Variants in DOCK3 observed in about 807,000 individuals in gnomAD.
DOCK3 encodes the protein dedicator of cytokinesis protein 3.
DOCK3 carries 60 observed loss-of-function variants against 265.6 expected under a neutral mutation model. That is an observed-to-expected ratio of 0.23 (90% CI 0.18 to 0.28). The LOEUF is 0.28. Among genes scored for constraint, DOCK3 ranks in the 10% least tolerant of loss-of-function variants. DOCK3 has a pLI of 1.00. For missense variants in DOCK3, 1,981 were observed against 2,594.3 expected (o/e 0.76, Z 5.14); for synonymous variants, 881 against 938.0 (o/e 0.94, Z 1.11).
rs1298839621 is a variant in DOCK3 at position 51,341,297 on chromosome 3, G to A, written c.3827G>A (p.Arg1276Gln). The change falls in exon 38 of 53, where the codon CGG (arginine) becomes CAG (glutamine). Residue 1276 changes from arginine (R) to glutamine (Q), a missense_variant. Physicochemically the swap from Arg to Gln is conservative, Grantham distance 43. Coordinates refer to ENST00000266037, the MANE Select transcript of DOCK3 (RefSeq NM_004947.5). Reference sequence around the variant, plus strand: ...CTGCAGTGGGAGGACCGGCCACTACGGGAATTCCTCCACTACCCATCGCAG... The same window carrying A: ...CTGCAGTGGGAGGACCGGCCACTACAGGAATTCCTCCACTACCCATCGCAG... ...ELLQWEDRPL[R>Q]EFLHYPSQTE... 10 of 1,612,326 alleles carry A rather than the reference G, an allele frequency of 6.2e-6. No homozygotes were observed. The East Asian group carries it at 6.7e-5, about 11-fold the overall frequency.
intron 2 of DOCK3, among the ~76,000 whole-genome samples, chr3:50,820,967 A>C (rs1181159145): frequency 6.6e-6 from 1 of 150,858 alleles, no homozygotes; most frequent in African/African-American, 2.4e-5. Flanking sequence ...GTGTCTGTTC[A>C]TGTCCTTTGG....
intron 12 of DOCK3, among the ~76,000 whole-genome samples, chr3:51,206,925 T>C (rs989541935): frequency 4.6e-5 from 7 of 152,212 alleles, no homozygotes; most frequent in African/African-American, 1.7e-4. Flanking sequence ...AAGGGTATAG[T>C]GAACTACTGA....
chr3:51,059,404 A>C (rs2081323522), intron 5 of DOCK3, among the ~76,000 whole-genome samples: 1 of 151,880 alleles, frequency 6.6e-6, no homozygotes. Flanking sequence ...ACATTAATAC[A>C]CATGATGCCT....
chr3:51,033,240 C>T (rs543683136), intron 5 of DOCK3, among the ~76,000 whole-genome samples: 2 of 152,280 alleles, frequency 1.3e-5, no homozygotes, highest in East Asian at 3.9e-4. Flanking sequence ...TGAAACTTTC[C>T]CAGGCATTTT....
At chr3:51,262,633 G>A (rs770627145) in intron 23 of DOCK3, among the ~76,000 whole-genome samples, 1 of 152,170 alleles carries the variant, frequency 6.6e-6, no homozygotes, top group Non-Finnish European at 1.5e-5. Context: ...AGCTAAAGGA[G>A]CATGTTCTAA....
At chr3:50,740,731 CATT>C (rs1318412704) in intron 1 of DOCK3, among the ~76,000 whole-genome samples, 1 of 152,060 alleles carries the variant, frequency 6.6e-6, no homozygotes, top group Non-Finnish European at 1.5e-5. Context: ...AGTATGGAAT[CATT>C]AATTTATTTG....
chr3:51,280,289 T>A, intron 27 of DOCK3, 85 bp downstream of exon 27: 1 of 1,258,720 alleles, frequency 7.9e-7, no homozygotes, highest in South Asian at 1.4e-5. Flanking sequence ...GGGGGATGAA[T>A]GCAAGTGACT....
At chr3:50,754,303 G>C (rs1458057692) in intron 1 of DOCK3, among the ~76,000 whole-genome samples, 3 of 152,060 alleles carry the variant, frequency 2.0e-5, no homozygotes, top group African/African-American at 7.2e-5. Context: ...AGAAGGTAAA[G>C]GGAGTGGAGT....
chr3:51,332,155 A>G (rs1376944778), intron 33 of DOCK3, among the ~76,000 whole-genome samples: 1 of 152,210 alleles, frequency 6.6e-6, no homozygotes, highest in Non-Finnish European at 1.5e-5. Context: ...TGGGTCTGCC[A>G]CCCCAGGTGA....
chr3:50,804,552 C>G (rs2043290179), intron 2 of DOCK3, among the ~76,000 whole-genome samples: 1 of 152,188 alleles, frequency 6.6e-6, no homozygotes, highest in African/African-American at 2.4e-5. Flanking sequence ...GCCCGGCTAA[C>G]ACGGCGAAAC....
chr3:51,286,108 A>G (rs978994644), intron 27 of DOCK3, among the ~76,000 whole-genome samples: 1 of 152,228 alleles, frequency 6.6e-6, no homozygotes, highest in Non-Finnish European at 1.5e-5. Context: ...CTGATAAACA[A>G]CTTCAGCAAA....
intron 27 of DOCK3, among the ~76,000 whole-genome samples, chr3:51,290,287 G>A (rs1405231461): frequency 1.3e-5 from 2 of 152,216 alleles, no homozygotes; most frequent in Admixed American, 6.5e-5. Flanking sequence ...AACCAACGCA[G>A]ATGTCCAACA....
intron 4 of DOCK3, among the ~76,000 whole-genome samples, chr3:50,932,684 G>T (rs2051134112): frequency 6.6e-6 from 1 of 152,170 alleles, no homozygotes. Context: ...TTCCAACTCA[G>T]TGACATCTTG....
chr3:50,758,327 T>C (rs1395655774), intron 1 of DOCK3, among the ~76,000 whole-genome samples: 1 of 151,974 alleles, frequency 6.6e-6, no homozygotes, highest in Admixed American at 6.6e-5. Context: ...ATTGTAATTT[T>C]ATAGTAAGTT....
intron 9 of DOCK3, among the ~76,000 whole-genome samples, chr3:51,117,376 T>A (rs2083787193): frequency 6.6e-6 from 1 of 152,182 alleles, no homozygotes; most frequent in Non-Finnish European, 1.5e-5. Context: ...TAGTATTTTA[T>A]TGAGGATTTT....
chr3:51,023,328 C>T (rs376000337), intron 5 of DOCK3, among the ~76,000 whole-genome samples: 11 of 151,198 alleles, frequency 7.3e-5, no homozygotes, highest in Non-Finnish European at 1.0e-4. Context: ...TCTCCTTGTT[C>T]GTCTATTGTT....
At chr3:50,692,522 C>T (rs567236534) in intron 1 of DOCK3, among the ~76,000 whole-genome samples, 1 of 152,324 alleles carries the variant, frequency 6.6e-6, no homozygotes, top group South Asian at 2.1e-4. Flanking sequence ...CTTGTTCACC[C>T]ACTGCTCACC....
At chr3:51,272,332 A>C (rs1349964106) in intron 24 of DOCK3, among the ~76,000 whole-genome samples, 1 of 149,472 alleles carries the variant, frequency 6.7e-6, no homozygotes, top group Non-Finnish European at 1.5e-5. Flanking sequence ...GCTAGAGTCC[A>C]GTGGCATGAT....
At chr3:51,231,461 G>T (rs1416980048) in intron 19 of DOCK3, among the ~76,000 whole-genome samples, 1 of 152,074 alleles carries the variant, frequency 6.6e-6, no homozygotes, top group Admixed American at 6.6e-5. Flanking sequence ...TCTGACTGTT[G>T]TGAGATAGTA....
Sources: gnomAD v4.1 joint callset for allele counts (sites outside exome capture counted in the v4.1 genomes callset) on GRCh38, gnomAD v4.1.1 for gene constraint, MANE v1.5 for transcripts, NCBI Gene and HGNC (gene_info 2026-07-23, HGNC 2026-07-21) for gene names.